SGCE: variants seen among roughly 807,000 people sequenced by gnomAD.
The protein encoded by SGCE is epsilon-sarcoglycan.
A neutral mutation model predicts 57.8 loss-of-function variants in SGCE; 26 were observed. The observed-to-expected ratio is 0.45, with a 90% CI of 0.33 to 0.62. The LOEUF (loss-of-function observed/expected upper bound fraction) is 0.62, where lower values mean the gene tolerates loss of function less well. Among genes scored for constraint, SGCE ranks in the 20% least tolerant of loss-of-function variants. The probability of loss-of-function intolerance (pLI) is 0.02; values close to 1 mark genes in which losing one functional copy is unlikely to be tolerated. For missense variants in SGCE, 468 were observed against 548.6 expected (o/e 0.85, Z 1.47); for synonymous variants, 183 against 189.5 (o/e 0.97, Z 0.28).
intron 5 of SGCE, among the ~76,000 whole-genome samples, chr7:94,609,518 T>A (rs1800678592): frequency 6.6e-6 from 1 of 152,114 alleles, no homozygotes; most frequent in African/African-American, 2.4e-5. Flanking sequence ...GGTGACACAG[T>A]AAGACTCTGT....
At chr7:94,603,211 G>T in intron 6 of SGCE, 79 bp downstream of exon 6, 2 of 1,088,950 alleles carry the variant, frequency 1.8e-6, no homozygotes, top group Non-Finnish European at 2.8e-6. Flanking sequence ...ATTCCTAAAA[G>T]CAGTTCAGGT....
At position 94,650,034 on chromosome 7, in the gene SGCE, A is replaced by G. The variant is rs1401783469; in HGVS notation, c.109+5956T>C. Among the ~76,000 whole-genome samples the G allele has an allele frequency of 5.9e-5, 9 of 152,346 alleles. 1 individual carries two copies. The South Asian group carries it at 1.9e-3, about 32-fold the overall frequency. ...TTTCAAAGTTTGATATACTAACCCA[A>G]ATAAACAATCAATAGGCAGATCACC... On this transcript the variant is annotated intron_variant, in intron 1 of 10. Transcript: ENST00000648936.
At chr7:94,620,644 C>T (rs933203512) in intron 4 of SGCE, 1 of 152,168 alleles carries the variant, frequency 6.6e-6, no homozygotes, top group Non-Finnish European at 1.5e-5. Flanking sequence ...TCATTTCATT[C>T]AATGTTTTTA....
chr7:94,646,253 A>G (rs776965108), intron 1 of SGCE, among the ~76,000 whole-genome samples: 6 of 152,244 alleles, frequency 3.9e-5, no homozygotes, highest in Non-Finnish European at 7.3e-5. Flanking sequence ...ATGCAGCAAA[A>G]GCAAAAAGTT....
intron 4 of SGCE, 62 bp downstream of exon 4, chr7:94,623,263 T>C (rs1208973523): frequency 2.0e-6 from 2 of 1,023,110 alleles, no homozygotes; most frequent in Non-Finnish European, 3.0e-6. Flanking sequence ...TTTTATGTAG[T>C]TATAAAACAT....
chr7:94,616,887 A>G (rs1802011336), intron 5 of SGCE: 2 of 152,192 alleles, frequency 1.3e-5, no homozygotes, highest in Admixed American at 1.3e-4. Context: ...AATATTTTGT[A>G]AAGGTTAAGG....
chr7:94,637,725 G>A (rs1318500356), intron 1 of SGCE, among the ~76,000 whole-genome samples: 2 of 152,296 alleles, frequency 1.3e-5, no homozygotes, highest in East Asian at 3.9e-4. Flanking sequence ...AGAGGAGAGA[G>A]AGGCATGCTC....
intron 1 of SGCE, among the ~76,000 whole-genome samples, chr7:94,654,385 G>A (rs1808297545): frequency 6.6e-6 from 1 of 152,064 alleles, no homozygotes; most frequent in South Asian, 2.1e-4. Flanking sequence ...AGTTAACTAG[G>A]TGAAGTAACT....
At chr7:94,633,005 A>G (rs946623716) in intron 1 of SGCE, among the ~76,000 whole-genome samples, 3 of 152,056 alleles carry the variant, frequency 2.0e-5, no homozygotes, top group Non-Finnish European at 4.4e-5. Flanking sequence ...AGTCTTGAAA[A>G]TCAAATTTAA....
At chr7:94,593,839 C>T (rs1798023927) in intron 9 of SGCE, among the ~76,000 whole-genome samples, 1 of 152,048 alleles carries the variant, frequency 6.6e-6, no homozygotes. Context: ...AATAACAACC[C>T]TTCTTACTCA....
chr7:94,639,340 C>A, intron 1 of SGCE: 2 of 1,518,264 alleles, frequency 1.3e-6, no homozygotes, highest in Non-Finnish European at 1.8e-6. Flanking sequence ...CCTAAACTCA[C>A]CATCTTTCAT....
chr7:94,624,909 G>A (rs968867976), intron 3 of SGCE: 3 of 151,872 alleles, frequency 2.0e-5, no homozygotes, highest in African/African-American at 7.2e-5. Context: ...TGAAGGGAGT[G>A]AAGAATATTT....
chr7:94,585,474 C>T lies in SGCE; in HGVS notation c.*25G>A, dbSNP rs1028777572. On this transcript the variant is annotated 3_prime_UTR_variant, in exon 11 of 11. Transcript: ENST00000648936. Reference sequence around the variant, plus strand: ...CTGCTATATTGTCTGATTATAAATTCATTGCTTCAGTCAGTTTTCTTTCTT... The same window carrying T: ...CTGCTATATTGTCTGATTATAAATTTATTGCTTCAGTCAGTTTTCTTTCTT... 3.7e-6 allele frequency: 6 copies of T among 1,601,066 alleles called. No individual in the cohort carries two copies. In the African/African-American group the frequency reaches 8.0e-5, roughly 21 times the overall value.
intron 5 of SGCE, 133 bp from the exon 6 acceptor site, chr7:94,603,585 G>A (rs780763535): frequency 4.8e-5 from 37 of 777,362 alleles, no homozygotes; most frequent in African/African-American, 1.1e-4. Flanking sequence ...TAGGGGCCTC[G>A]GCTCTAAAAA....
At chr7:94,599,628 TG>T in intron 8 of SGCE, 68 bp downstream of exon 8, 1 of 1,171,218 alleles carries the variant, frequency 8.5e-7, no homozygotes, top group Non-Finnish European at 1.3e-6. Flanking sequence ...CACACATGTA[TG>T]GAGCATGATG....
At chr7:94,650,042 A>C (rs1455439310) in intron 1 of SGCE, among the ~76,000 whole-genome samples, 1 of 152,230 alleles carries the variant, frequency 6.6e-6, no homozygotes, top group Admixed American at 6.5e-5. Flanking sequence ...CAAATAAACA[A>C]TCAATAGGCA....
At chr7:94,632,879 G>C (rs983174797) in intron 1 of SGCE, among the ~76,000 whole-genome samples, 2 of 151,972 alleles carry the variant, frequency 1.3e-5, no homozygotes, top group African/African-American at 4.8e-5. Flanking sequence ...AGCTGATGGG[G>C]TCCACTCCAA....
chr7:94,624,813 A>G (rs1195878426), intron 3 of SGCE: 1 of 152,092 alleles, frequency 6.6e-6, no homozygotes, highest in Non-Finnish European at 1.5e-5. Flanking sequence ...TTTTATGGGT[A>G]GCCTTCCCTT....
Position 94,628,365 on chromosome 7 carries a change from T to C in SGCE, c.233-6A>G. The stretch of plus-strand genomic sequence containing the variant: ...GGGATCATTACTAATCTCGCCTAGA[T>C]AAGAAACAGAGAATTAAGACATAAG... On this transcript the variant is annotated splice_region_variant and splice_polypyrimidine_tract_variant and intron_variant, in intron 2 of 10. Transcript: ENST00000648936. The C allele has an allele frequency of 6.2e-7, 1 of 1,602,210 alleles. No individual in the cohort carries two copies. The highest frequency in any genetic ancestry group is 8.5e-7 in the Non-Finnish European group (1 of 1,170,492).
Sources: gnomAD v4.1 joint callset for allele counts (sites outside exome capture counted in the v4.1 genomes callset) on GRCh38, gnomAD v4.1.1 for gene constraint, MANE v1.5 for transcripts, NCBI Gene and HGNC (gene_info 2026-07-23, HGNC 2026-07-21) for gene names.